Variants in CDH9 observed in about 807,000 individuals in gnomAD.
The protein encoded by CDH9 is cadherin 9.
CDH9 carries 28 observed loss-of-function variants against 70.9 expected under a neutral mutation model. The observed-to-expected ratio is 0.40, with a 90% confidence interval of 0.29 to 0.54. The LOEUF (loss-of-function observed/expected upper bound fraction) is 0.54, where lower values mean the gene tolerates loss of function less well. Among genes scored for constraint, CDH9 ranks in the 20% least tolerant of loss-of-function variants. CDH9 has a pLI of 0.59. For synonymous variants in CDH9, 409 were observed against 343.1 expected (o/e 1.19, Z -2.12); for missense variants, 874 against 984.4 (o/e 0.89, Z 1.50).
At chr5:26,979,887 G>GA (rs1742370119) in intron 2 of CDH9, among the ~76,000 whole-genome samples, 1 of 151,444 alleles carries the variant, frequency 6.6e-6, no homozygotes, top group South Asian at 2.1e-4. Context: ...AAATAAATGA[G>GA]AAAAAAATGA....
intron 3 of CDH9, among the ~76,000 whole-genome samples, chr5:26,909,969 A>C (rs999101442): frequency 3.0e-4 from 46 of 151,968 alleles, no homozygotes; most frequent in Admixed American, 1.4e-3. Flanking sequence ...TAAAGATAAG[A>C]AAAGTTTAGA....
chr5:27,034,555 A>C (rs968834338), intron 1 of CDH9, among the ~76,000 whole-genome samples: 29 of 151,570 alleles, frequency 1.9e-4, no homozygotes, highest in Admixed American at 6.6e-5. Context: ...TAAAATATAA[A>C]TAAATAAATA....
chr5:27,036,754 T>C (rs935622314), intron 1 of CDH9, among the ~76,000 whole-genome samples: 1 of 151,806 alleles, frequency 6.6e-6, no homozygotes, highest in South Asian at 2.1e-4. Context: ...AAAACACATA[T>C]AGAGATGTTG....
At chr5:26,997,759 G>T (rs1352679705) in intron 1 of CDH9, among the ~76,000 whole-genome samples, 2 of 152,000 alleles carry the variant, frequency 1.3e-5, no homozygotes, top group African/African-American at 4.8e-5. Flanking sequence ...GAGTGCAGTG[G>T]TGTGATCTCG....
intron 1 of CDH9, among the ~76,000 whole-genome samples, chr5:27,003,608 A>T (rs1290431431): frequency 2.0e-5 from 3 of 152,070 alleles, no homozygotes; most frequent in African/African-American, 4.8e-5. Flanking sequence ...AACAAAACAA[A>T]ACAAAACAAA....
intron 1 of CDH9, among the ~76,000 whole-genome samples, chr5:27,022,936 T>C (rs1292225364): frequency 1.3e-5 from 2 of 151,188 alleles, no homozygotes; most frequent in Admixed American, 1.3e-4. Context: ...ATTTGTATTG[T>C]TCTTTTTTTT....
chr5:27,004,656 T>C (rs1742828070), intron 1 of CDH9, among the ~76,000 whole-genome samples: 1 of 152,122 alleles, frequency 6.6e-6, no homozygotes, highest in African/African-American at 2.4e-5. Flanking sequence ...AACAGATTAG[T>C]GCTGTCATTT....
intron 2 of CDH9, among the ~76,000 whole-genome samples, chr5:26,954,104 A>G (rs1026669359): frequency 6.6e-6 from 1 of 152,198 alleles, no homozygotes; most frequent in African/African-American, 2.4e-5. Flanking sequence ...AACTACATCC[A>G]TAATGGCTTT....
intron 2 of CDH9, among the ~76,000 whole-genome samples, chr5:26,960,314 C>T (rs35749742): frequency 0.07 from 10,624 of 151,864 alleles, 432 homozygotes; most frequent in Middle Eastern, 0.16. Flanking sequence ...GAATTAAATG[C>T]GTAGATAAAA....
intron 1 of CDH9, among the ~76,000 whole-genome samples, chr5:27,036,372 C>T (rs1318076898): frequency 6.6e-6 from 1 of 151,872 alleles, no homozygotes; most frequent in Non-Finnish European, 1.5e-5. Context: ...AGTTGAGCAA[C>T]ACAACATTTA....
At chr5:26,978,173 C>T (rs1455823723) in intron 2 of CDH9, among the ~76,000 whole-genome samples, 1 of 114,324 alleles carries the variant, frequency 8.7e-6, no homozygotes, top group Non-Finnish European at 2.0e-5. Context: ...CATTCTAACA[C>T]ATAATAAAAA....
chr5:26,982,711 T>C (rs976039422), intron 2 of CDH9, among the ~76,000 whole-genome samples: 1 of 151,976 alleles, frequency 6.6e-6, no homozygotes, highest in Non-Finnish European at 1.5e-5. Context: ...TTTTTTGAGA[T>C]GGAGTCTTGC....
In CDH9 at chr5:26,886,157, C is replaced by A. The variant is rs895044179; in HGVS notation, c.1513-74G>T. ...TTGTTATTACAAGATATCTTAAATC[C>A]ATGTATTTGTGCTTTAAATACATCA... On this transcript the variant is annotated intron_variant, in intron 9 of 11. Transcript: ENST00000231021. The A allele has an allele frequency of 3.4e-6, 5 of 1,468,302 alleles. No homozygotes were observed. In the African/African-American group the frequency reaches 7.1e-5, roughly 21 times the overall value. The allele number at this position is 1,468,302 out of a possible 1,614,324, so 91.0% of individuals were successfully genotyped here. A position where few individuals can be genotyped will look rare whatever the true frequency, so the allele number is the denominator to read the frequency against.
intron 7 of CDH9, among the ~76,000 whole-genome samples, chr5:26,897,037 A>T (rs1740764615): frequency 6.6e-6 from 1 of 152,112 alleles, no homozygotes; most frequent in South Asian, 2.1e-4. Flanking sequence ...AATACTATAA[A>T]AACCTCTATG....
chr5:26,967,178 T>C (rs539458001), intron 2 of CDH9, among the ~76,000 whole-genome samples: 1 of 152,224 alleles, frequency 6.6e-6, no homozygotes, highest in African/African-American at 2.4e-5. Context: ...GGTCTTAAAC[T>C]GCTAGGCTCA....
rs141394776 is a variant in CDH9, at chr5:26,954,384, C to CTTTTTTTTTTT, written c.228+33721_228+33722insAAAAAAAAAAA. ...TTAAAGCTTTTCGCTATTATACAGC[C>CTTTTTTTTTTT]TTTCTTTTTTTTTTTTTTGAGACAT... On this transcript the variant is annotated intron_variant, in intron 2 of 11. Transcript: ENST00000231021. Among the ~76,000 whole-genome samples, 140 of 18,314 alleles carry CTTTTTTTTTTT rather than the reference C, an allele frequency of 7.6e-3. 7 individuals are homozygous for CTTTTTTTTTTT. The highest frequency in any genetic ancestry group is 0.017 in the African/African-American group (131 of 7,700). 12.0% of individuals were successfully genotyped at this position (18,314 alleles called of 152,430 possible).
intron 7 of CDH9, among the ~76,000 whole-genome samples, chr5:26,895,817 A>G (rs1475406743): frequency 6.6e-6 from 1 of 152,062 alleles, no homozygotes; most frequent in East Asian, 1.9e-4. Flanking sequence ...GATGCTTATC[A>G]TAGCCTATTT....
At chr5:26,985,275 C>A (rs991044527) in intron 2 of CDH9, among the ~76,000 whole-genome samples, 9 of 152,012 alleles carry the variant, frequency 5.9e-5, no homozygotes, top group African/African-American at 2.2e-4. Context: ...CTTCTTGTCC[C>A]TAATGGCAGG....
At chr5:26,972,405 T>C (rs1742234969) in intron 2 of CDH9, among the ~76,000 whole-genome samples, 1 of 152,176 alleles carries the variant, frequency 6.6e-6, no homozygotes, top group Admixed American at 6.5e-5. Flanking sequence ...CTATTTTTCT[T>C]ATACAGTTGT....
Sources: allele counts gnomAD v4.1 joint callset (sites outside exome capture counted in the v4.1 genomes callset), GRCh38; gene constraint gnomAD v4.1.1; transcripts MANE v1.5; gene names NCBI Gene and HGNC (gene_info 2026-07-23, HGNC 2026-07-21).